The following GABRB3 variants were observed in gnomAD, a reference collection of about 807,000 sequenced individuals.
The protein encoded by GABRB3 is gamma-aminobutyric acid receptor subunit beta-3.
A neutral mutation model predicts 52.1 loss-of-function variants in GABRB3; 14 were observed. That is an observed-to-expected ratio of 0.27 (90% CI 0.18 to 0.42). GABRB3 has a LOEUF of 0.42. GABRB3 is among the 10% of genes least tolerant of loss of function. The pLI is 1.00. For synonymous variants in GABRB3, 260 were observed against 232.3 expected, an observed-to-expected ratio of 1.12 and a Z score of -1.08; for missense variants, 307 against 609.1, an observed-to-expected ratio of 0.50 and a Z score of 5.22.
chr15:26,658,616 C>A (rs1003086297), intron 3 of GABRB3: 2 of 152,198 alleles, frequency 1.3e-5, no homozygotes, highest in Non-Finnish European at 2.9e-5. Context: ...GATGGTCAGG[C>A]CTTCTGTTAG....
intron 3 of GABRB3, among the ~76,000 whole-genome samples, chr15:26,768,095 T>C (rs1183036777): frequency 2.0e-5 from 3 of 152,160 alleles, no homozygotes; most frequent in Non-Finnish European, 4.4e-5. Flanking sequence ...TGGATGAGTA[T>C]GTCTCATGAT....
intron 4 of GABRB3, among the ~76,000 whole-genome samples, chr15:26,610,498 A>G (rs907050359): frequency 6.6e-6 from 1 of 152,208 alleles, no homozygotes; most frequent in African/African-American, 2.4e-5. Flanking sequence ...CAACATAGTA[A>G]TGGGAAATCA....
chr15:26,702,068 C>T (rs1396723117), intron 3 of GABRB3, among the ~76,000 whole-genome samples: 1 of 152,140 alleles, frequency 6.6e-6, no homozygotes, highest in Non-Finnish European at 1.5e-5. Context: ...CAACCCAGAC[C>T]TTCCACTATA....
intron 3 of GABRB3, among the ~76,000 whole-genome samples, chr15:26,757,462 C>T (rs1468345588): frequency 6.6e-6 from 1 of 152,174 alleles, no homozygotes; most frequent in African/African-American, 2.4e-5. Flanking sequence ...ATGAGTGTCA[C>T]AAGTCAAACT....
At chr15:26,602,580 A>G (rs1290586403) in intron 4 of GABRB3, among the ~76,000 whole-genome samples, 1 of 152,116 alleles carries the variant, frequency 6.6e-6, no homozygotes, top group Non-Finnish European at 1.5e-5. Context: ...ACCACAACAG[A>G]ATAAAACTAC....
At chr15:26,661,686 GT>G (rs1381637147) in intron 3 of GABRB3, among the ~76,000 whole-genome samples, 1 of 152,166 alleles carries the variant, frequency 6.6e-6, no homozygotes, top group Admixed American at 6.5e-5. Flanking sequence ...GAAGATGAGA[GT>G]GGGGATCGGA....
At chr15:26,556,569 T>C (rs1335263959) in intron 8 of GABRB3, among the ~76,000 whole-genome samples, 2 of 152,160 alleles carry the variant, frequency 1.3e-5, no homozygotes, top group East Asian at 1.9e-4. Flanking sequence ...AGATGAACTC[T>C]TGGGTATAGA....
chr15:26,635,549 C>G (rs920763596), intron 3 of GABRB3, among the ~76,000 whole-genome samples: 1 of 151,992 alleles, frequency 6.6e-6, no homozygotes, highest in East Asian at 1.9e-4. Context: ...GAAAGAAAGA[C>G]GTTTATTTAT....
At chr15:26,586,060 G>A (rs1373100172) in intron 4 of GABRB3, among the ~76,000 whole-genome samples, 3 of 152,044 alleles carry the variant, frequency 2.0e-5, no homozygotes, top group East Asian at 1.9e-4. Context: ...GTGCAGTGGC[G>A]CAATCTTGGC....
chr15:26,740,667 G>A (rs1366768863), intron 3 of GABRB3, among the ~76,000 whole-genome samples: 3 of 152,114 alleles, frequency 2.0e-5, no homozygotes, highest in Non-Finnish European at 2.9e-5. Context: ...CTCCCTCCTT[G>A]GAATCCTCAC....
chr15:26,719,048 G>A (rs1209523577), intron 3 of GABRB3, among the ~76,000 whole-genome samples: 1 of 152,266 alleles, frequency 6.6e-6, no homozygotes, highest in Non-Finnish European at 1.5e-5. Context: ...CACCTGGCAA[G>A]TGGGGCTTCC....
At chr15:26,773,404 C>T (rs1431275753), upstream of GABRB3, among the ~76,000 whole-genome samples, 3 of 151,108 alleles carry the variant, frequency 2.0e-5, no homozygotes, top group East Asian at 3.9e-4. Context: ...TCCCCTGAGC[C>T]GGCTCCTCTG....
chr15:26,651,914 A>T (rs1887208747), intron 3 of GABRB3, among the ~76,000 whole-genome samples: 1 of 152,156 alleles, frequency 6.6e-6, no homozygotes, highest in African/African-American at 2.4e-5. Flanking sequence ...TTGTGGGGAA[A>T]ATTTTCATCT....
At chr15:26,635,475 C>T (rs1196173535) in intron 3 of GABRB3, among the ~76,000 whole-genome samples, 1 of 151,838 alleles carries the variant, frequency 6.6e-6, no homozygotes, top group African/African-American at 2.4e-5. Flanking sequence ...CTGAGTATCA[C>T]TTAAAATTAC....
intron 3 of GABRB3, among the ~76,000 whole-genome samples, chr15:26,745,067 A>G (rs936734033): frequency 2.0e-5 from 3 of 152,032 alleles, no homozygotes; most frequent in Non-Finnish European, 4.4e-5. Context: ...GGAGCAAGAG[A>G]GTGATTGGCA....
intron 3 of GABRB3, among the ~76,000 whole-genome samples, chr15:26,641,276 A>G (rs1034247334): frequency 3.3e-5 from 5 of 152,166 alleles, no homozygotes; most frequent in Non-Finnish European, 7.4e-5. Flanking sequence ...AACACCTAGA[A>G]CTTGCTCGCT....
intron 3 of GABRB3, among the ~76,000 whole-genome samples, chr15:26,682,038 T>G (rs1445899273): frequency 6.6e-6 from 1 of 152,204 alleles, no homozygotes; most frequent in Non-Finnish European, 1.5e-5. Flanking sequence ...TTTCTGGGTC[T>G]TTTCATTTTA....
At chr15:26,682,978 G>C (rs897611032) in intron 3 of GABRB3, among the ~76,000 whole-genome samples, 82 of 152,186 alleles carry the variant, frequency 5.4e-4, no homozygotes, top group African/African-American at 1.9e-3. Context: ...GGCCACTAGA[G>C]AGTGCTGCCC....
chr15:26,599,444 T>C (rs1034286816), intron 4 of GABRB3, among the ~76,000 whole-genome samples: 1 of 151,852 alleles, frequency 6.6e-6, no homozygotes, highest in Non-Finnish European at 1.5e-5. Flanking sequence ...AGATCCCAAA[T>C]AGCAAAAGGG....
Sources: gnomAD v4.1 joint callset for allele counts (sites outside exome capture counted in the v4.1 genomes callset) on GRCh38, gnomAD v4.1.1 for gene constraint, MANE v1.5 for transcripts, NCBI Gene and HGNC (gene_info 2026-07-23, HGNC 2026-07-21) for gene names.